The following GKAP1 variants were observed in gnomAD, a reference collection of about 807,000 sequenced individuals.
GKAP1 encodes the protein G kinase anchoring protein 1.
In GKAP1, 31 loss-of-function variants were observed where a neutral mutation model predicts 56.7. That is an observed-to-expected ratio of 0.55 (90% CI 0.41 to 0.74). The LOEUF is 0.74. GKAP1 is among the 30% of genes least tolerant of loss of function. The probability of loss-of-function intolerance (pLI) is 0.00; values close to 1 mark genes in which losing one functional copy is unlikely to be tolerated. For missense variants in GKAP1, 364 were observed against 402.3 expected (o/e 0.90, Z 0.82); for synonymous variants, 151 against 138.6 (o/e 1.09, Z -0.63).
intron 6 of GKAP1, among the ~76,000 whole-genome samples, chr9:83,781,470 G>A (rs1468695587): frequency 1.3e-5 from 2 of 152,122 alleles, no homozygotes; most frequent in Non-Finnish European, 2.9e-5. Flanking sequence ...TATTCTCAAG[G>A]ACTAAAAATA....
intron 4 of GKAP1, among the ~76,000 whole-genome samples, chr9:83,793,569 G>GT (rs1430532813): frequency 6.6e-6 from 1 of 152,080 alleles, no homozygotes; most frequent in Non-Finnish European, 1.5e-5. Flanking sequence ...TACTAAGTCT[G>GT]TATTTTTGTT....
chr9:83,740,165 T>C (rs1943182732), intron 12 of GKAP1, among the ~76,000 whole-genome samples: 1 of 152,178 alleles, frequency 6.6e-6, no homozygotes, highest in South Asian at 2.1e-4. Flanking sequence ...TTCTGTTGCG[T>C]TTTGCTCACA....
chr9:83,759,571 C>A (rs776486971), intron 8 of GKAP1, among the ~76,000 whole-genome samples: 6 of 152,148 alleles, frequency 3.9e-5, no homozygotes, highest in Non-Finnish European at 8.8e-5. Flanking sequence ...TTATTCACTT[C>A]TCTTATTCTT....
chr9:83,772,049 G>A (rs1943772448), intron 7 of GKAP1, among the ~76,000 whole-genome samples: 1 of 151,742 alleles, frequency 6.6e-6, no homozygotes, highest in South Asian at 2.1e-4. Flanking sequence ...AAACTATAGG[G>A]GGGAGAAAAG....
chr9:83,777,404 C>G (rs942661422), intron 7 of GKAP1, among the ~76,000 whole-genome samples: 3 of 151,922 alleles, frequency 2.0e-5, no homozygotes, highest in Non-Finnish European at 4.4e-5. Context: ...CAACTTCAGT[C>G]CAACAGAAGA....
chr9:83,784,668 A>G, intron 6 of GKAP1, 47 bp downstream of exon 6: 1 of 1,326,110 alleles, frequency 7.5e-7, no homozygotes, highest in Non-Finnish European at 1.0e-6. Flanking sequence ...AGTATAAAAC[A>G]GATGTAGAAT....
At chr9:83,805,809 G>GA (rs1252822544) in intron 3 of GKAP1, among the ~76,000 whole-genome samples, 4 of 152,128 alleles carry the variant, frequency 2.6e-5, no homozygotes, top group Admixed American at 6.5e-5. Flanking sequence ...CTTCCAGTCA[G>GA]AAAAAACGTA....
chr9:83,759,963 A>C (rs1171656057), intron 8 of GKAP1, among the ~76,000 whole-genome samples: 1 of 152,216 alleles, frequency 6.6e-6, no homozygotes, highest in African/African-American at 2.4e-5. Flanking sequence ...TTTCAAATTT[A>C]TATTACATTC....
chr9:83,779,442 T>TACACACACAC (rs1298986099), intron 7 of GKAP1, among the ~76,000 whole-genome samples: 704 of 69,146 alleles, frequency 0.01, 16 homozygotes, highest in East Asian at 0.035. Context: ...TATATATATA[T>TACACACACAC]ATATATACAC....
chr9:83,796,241 A>G (rs1022966598), intron 4 of GKAP1, among the ~76,000 whole-genome samples: 1 of 151,556 alleles, frequency 6.6e-6, no homozygotes, highest in Non-Finnish European at 1.5e-5. Flanking sequence ...CTATCAACAT[A>G]ATCTCTAATA....
chr9:83,775,569 AT>A (rs1007632366), intron 7 of GKAP1, among the ~76,000 whole-genome samples: 1 of 151,388 alleles, frequency 6.6e-6, no homozygotes, highest in Non-Finnish European at 1.5e-5. Context: ...GGAAAAAAAA[AT>A]TTTTTTTGAA....
chr9:83,806,232 C>A (rs1042947728), intron 3 of GKAP1, 70 bp downstream of exon 3: 18 of 990,770 alleles, frequency 1.8e-5, no homozygotes, highest in Non-Finnish European at 2.7e-5. Flanking sequence ...CACAGGGGAA[C>A]AAGATAGTAT....
chr9:83,779,524 CGTGTATATGTGTATAT>C lies in GKAP1; in HGVS notation c.585+842_585+857del, dbSNP rs1300667516. Among the ~76,000 whole-genome samples the C allele has an allele frequency of 1.1e-4, 13 of 120,348 alleles. 1 individual carries two copies. The highest frequency in any genetic ancestry group is 1.2e-4 in the Non-Finnish European group (7 of 60,044). 79.0% of individuals were successfully genotyped at this position (120,348 alleles called of 152,430 possible). The stretch of plus-strand genomic sequence containing the variant: ...ACACATATATGTGTATATATATACA[CGTGTATATGTGTATAT>C]ATATACACGTGTATATGTGTATATA... On this transcript the variant is annotated intron_variant, in intron 7 of 12. Transcript: ENST00000376371.
intron 10 of GKAP1, among the ~76,000 whole-genome samples, 197 bp from the exon 11 acceptor site, chr9:83,742,797 C>T (rs1249157654): frequency 6.6e-6 from 1 of 152,292 alleles, no homozygotes; most frequent in East Asian, 1.9e-4. Flanking sequence ...TACATTTTCA[C>T]CAGTAAATTC....
At chr9:83,815,704 A>T (rs1031733441) in intron 2 of GKAP1, among the ~76,000 whole-genome samples, 4 of 152,194 alleles carry the variant, frequency 2.6e-5, no homozygotes, top group Non-Finnish European at 4.4e-5. Context: ...CTGACCAAAA[A>T]AAGGTATTAA....
chr9:83,760,294 G>C (rs1943547240), intron 8 of GKAP1, among the ~76,000 whole-genome samples: 1 of 152,054 alleles, frequency 6.6e-6, no homozygotes, highest in African/African-American at 2.4e-5. Flanking sequence ...AATGATAAAG[G>C]AGTCAGTTCA....
chr9:83,792,171 T>C (rs553370038), intron 4 of GKAP1, among the ~76,000 whole-genome samples: 1 of 152,192 alleles, frequency 6.6e-6, no homozygotes, highest in Admixed American at 6.5e-5. Flanking sequence ...CTGTACAAGG[T>C]AGTTTTAAGG....
intron 2 of GKAP1, among the ~76,000 whole-genome samples, chr9:83,814,914 C>T (rs1944561154): frequency 1.3e-5 from 2 of 152,228 alleles, no homozygotes; most frequent in South Asian, 4.1e-4. Context: ...TGGCTCACGC[C>T]TGTAATCCCA....
At chr9:83,780,813 C>T (rs190132073) in intron 6 of GKAP1, among the ~76,000 whole-genome samples, 21 of 152,148 alleles carry the variant, frequency 1.4e-4, no homozygotes, top group Non-Finnish European at 2.4e-4. Context: ...CAGATTACTG[C>T]TTTTGTGTAA....
Sources: allele counts gnomAD v4.1 joint callset (sites outside exome capture counted in the v4.1 genomes callset), GRCh38; gene constraint gnomAD v4.1.1; transcripts MANE v1.5; gene names NCBI Gene and HGNC (gene_info 2026-07-23, HGNC 2026-07-21).